LMAN2L: variants seen among roughly 807,000 people sequenced by gnomAD.
LMAN2L encodes VIP36-like protein.
Under a neutral mutation model 44.3 loss-of-function variants are expected in LMAN2L, and 30 were observed. That is an observed-to-expected ratio of 0.68 (90% CI 0.51 to 0.92). LMAN2L has a LOEUF of 0.92. Ranked by LOEUF, LMAN2L falls within the 40% of genes least tolerant of loss-of-function variation. LMAN2L has a pLI of 0.00. For missense variants in LMAN2L, 429 were observed against 446.1 expected, an observed-to-expected ratio of 0.96 and a Z score of 0.35; for synonymous variants, 183 against 171.1, an observed-to-expected ratio of 1.07 and a Z score of -0.54.
At position 96,707,002 on chromosome 2, in the gene LMAN2L, A is replaced by G. The variant is rs556178852; in HGVS notation, c.*254T>C. On this transcript the variant is annotated 3_prime_UTR_variant, in exon 8 of 8. Transcript: ENST00000264963. Reference sequence around the variant, plus strand: ...ATTCTCTTCACACCTCTGCTCCCACATGGAAGGACTGCAGGGAAAGGCACA... The same window carrying G: ...ATTCTCTTCACACCTCTGCTCCCACGTGGAAGGACTGCAGGGAAAGGCACA... 9.3e-6 allele frequency: 3 copies of G among 322,404 alleles called. No homozygotes were observed. The highest frequency in any genetic ancestry group is 5.2e-5 in the East Asian group (1 of 19,228). 20.0% of individuals were successfully genotyped at this position (322,404 alleles called of 1,614,324 possible). A position where few individuals can be genotyped will look rare whatever the true frequency, so the allele number is the denominator to read the frequency against.
At chr2:96,737,179 T>C (rs2078533669) in intron 2 of LMAN2L, 1 of 456,088 alleles carries the variant, frequency 2.2e-6, no homozygotes, top group South Asian at 1.6e-5. Flanking sequence ...GAATACTGCA[T>C]TCACTTCTTG....
rs2078300072 is a variant in LMAN2L, at chr2:96,727,760, CCTT to C, written c.507+5756_507+5758del. ...TGTTCCACACGCCCTCCTACCTGCT[CCTT>C]GTCTTCCTTGTCTAGGACATCTTCT... On this transcript the variant is annotated intron_variant, in intron 4 of 7. Transcript: ENST00000264963. Among the ~76,000 whole-genome samples, 4 of 152,194 alleles carry C rather than the reference CCTT, an allele frequency of 2.6e-5. No homozygotes were observed. In the South Asian group the frequency reaches 8.3e-4, roughly 32 times the overall value.
At chr2:96,713,619 T>C (rs1025976979) in intron 4 of LMAN2L, among the ~76,000 whole-genome samples, 15 of 152,186 alleles carry the variant, frequency 9.9e-5, no homozygotes, top group African/African-American at 3.6e-4. Context: ...CATCCTTTAC[T>C]ATCCAGGATC....
intron 4 of LMAN2L, among the ~76,000 whole-genome samples, chr2:96,728,375 G>A (rs1439578299): frequency 6.6e-6 from 1 of 152,038 alleles, no homozygotes; most frequent in Non-Finnish European, 1.5e-5. Context: ...GCAGGTGCCT[G>A]TAGTCCCAGC....
At chr2:96,731,697 A>G (rs2078401249) in intron 4 of LMAN2L, among the ~76,000 whole-genome samples, 1 of 151,968 alleles carries the variant, frequency 6.6e-6, no homozygotes, top group South Asian at 2.1e-4. Context: ...GGGAAATGTT[A>G]ACAGCTGTTG....
chr2:96,713,224 A>T, intron 4 of LMAN2L: 2 of 1,179,972 alleles, frequency 1.7e-6, no homozygotes, highest in African/African-American at 1.5e-5. Flanking sequence ...GCCACAGAAG[A>T]GCTATGACCC....
chr2:96,721,313 A>C (rs2078149108), intron 4 of LMAN2L, among the ~76,000 whole-genome samples: 1 of 143,014 alleles, frequency 7.0e-6, no homozygotes, highest in South Asian at 2.2e-4. Context: ...ATCGATACTT[A>C]ATTTCTTTCA....
chr2:96,727,867 A>T (rs1574020078), intron 4 of LMAN2L, among the ~76,000 whole-genome samples: 1 of 152,308 alleles, frequency 6.6e-6, no homozygotes, highest in East Asian at 1.9e-4. Flanking sequence ...CAAAATAATA[A>T]AGCAATAATA....
At chr2:96,712,874 A>C (rs2077957795) in intron 4 of LMAN2L, among the ~76,000 whole-genome samples, 1 of 152,238 alleles carries the variant, frequency 6.6e-6, no homozygotes, top group East Asian at 1.9e-4. Context: ...GCCCAATGCC[A>C]AGGCAGTGCA....
intron 4 of LMAN2L, among the ~76,000 whole-genome samples, chr2:96,717,533 GA>G (rs763461930): frequency 0.14 from 15,550 of 110,996 alleles, 3,006 homozygotes; most frequent in African/African-American, 0.47. Flanking sequence ...CCCTGTGTCG[GA>G]AAAAAAAAAA....
At chr2:96,728,672 G>A (rs888864302) in intron 4 of LMAN2L, among the ~76,000 whole-genome samples, 50 of 151,860 alleles carry the variant, frequency 3.3e-4, no homozygotes, top group African/African-American at 8.5e-4. Flanking sequence ...GTGAAACGCC[G>A]CCTCTACTAG....
chr2:96,736,016 A>G (rs2078507870), intron 2 of LMAN2L, among the ~76,000 whole-genome samples: 1 of 152,130 alleles, frequency 6.6e-6, no homozygotes, highest in South Asian at 2.1e-4. Context: ...CCCTGTTTCA[A>G]AAAAATAGCT....
intron 4 of LMAN2L, among the ~76,000 whole-genome samples, chr2:96,726,862 T>C (rs1293506896): frequency 6.6e-6 from 1 of 151,972 alleles, no homozygotes; most frequent in Non-Finnish European, 1.5e-5. Flanking sequence ...GGCGGGCAGA[T>C]CACTTCAGGT....
intron 4 of LMAN2L, among the ~76,000 whole-genome samples, chr2:96,720,973 G>A (rs116680750): frequency 0.027 from 4,081 of 152,048 alleles, 186 homozygotes; most frequent in African/African-American, 0.094. Flanking sequence ...CTACAACACT[G>A]AGATATAATT....
chr2:96,734,594 CA>C, intron 2 of LMAN2L, 68 bp from the exon 3 acceptor site: 1 of 957,562 alleles, frequency 1.0e-6, no homozygotes, highest in Non-Finnish European at 1.7e-6. Flanking sequence ...CCCACATCAG[CA>C]ATCAACAGAC....
At chr2:96,714,170 G>A (rs2077986760) in intron 4 of LMAN2L, among the ~76,000 whole-genome samples, 1 of 152,256 alleles carries the variant, frequency 6.6e-6, no homozygotes, top group South Asian at 2.1e-4. Context: ...GATGGGCAAG[G>A]GAACCTCTCC....
intron 6 of LMAN2L, among the ~76,000 whole-genome samples, chr2:96,709,484 A>C (rs1402977532): frequency 6.6e-6 from 1 of 152,154 alleles, no homozygotes; most frequent in Non-Finnish European, 1.5e-5. Flanking sequence ...TAGGTTGGTT[A>C]CTGACTGGGG....
At chr2:96,715,865 C>T (rs528886743) in intron 4 of LMAN2L, among the ~76,000 whole-genome samples, 27 of 152,152 alleles carry the variant, frequency 1.8e-4, no homozygotes, top group Non-Finnish European at 2.6e-4. Flanking sequence ...TGTAACCCTT[C>T]GGTGGATTAC....
chr2:96,728,927 T>C (rs998667298), intron 4 of LMAN2L, among the ~76,000 whole-genome samples: 3 of 150,448 alleles, frequency 2.0e-5, no homozygotes, highest in South Asian at 2.1e-4. Flanking sequence ...AATCTCAGCA[T>C]TTTGGGAGGC....
Sources: allele counts gnomAD v4.1 joint callset (sites outside exome capture counted in the v4.1 genomes callset), GRCh38; gene constraint gnomAD v4.1.1; transcripts MANE v1.5; gene names NCBI Gene and HGNC (gene_info 2026-07-23, HGNC 2026-07-21).